The following MAGI2 variants were observed in gnomAD, a reference collection of about 807,000 sequenced individuals.
MAGI2 encodes membrane associated guanylate kinase, WW and PDZ domain containing 2, also known as membrane-associated guanylate kinase, WW and PDZ domain-containing protein 2.
A neutral mutation model predicts 133.3 loss-of-function variants in MAGI2; 35 were observed. The ratio of observed to expected loss-of-function variants is 0.26; its 90% CI spans 0.20 to 0.35. The LOEUF is 0.35. Among genes scored for constraint, MAGI2 ranks in the 10% least tolerant of loss-of-function variants. The probability of loss-of-function intolerance (pLI) is 1.00; values close to 1 mark genes in which losing one functional copy is unlikely to be tolerated. For synonymous variants in MAGI2, 729 were observed against 710.6 expected (o/e 1.03, Z -0.41); for missense variants, 1,636 against 1,863.4 (o/e 0.88, Z 2.25).
chr7:79,148,208 G>A (rs940576999), intron 1 of MAGI2, among the ~76,000 whole-genome samples: 3 of 152,186 alleles, frequency 2.0e-5, no homozygotes, highest in Non-Finnish European at 2.9e-5. Context: ...GGATTGGAGC[G>A]AGGTGGGAGG....
intron 2 of MAGI2, among the ~76,000 whole-genome samples, chr7:78,937,599 A>T (rs1020772083): frequency 1.3e-5 from 2 of 152,178 alleles, no homozygotes; most frequent in Non-Finnish European, 2.9e-5. Context: ...AGTTAACGTC[A>T]CCATCACAAA....
intron 1 of MAGI2, among the ~76,000 whole-genome samples, chr7:79,122,791 A>T (rs1251200567): frequency 6.6e-6 from 1 of 151,940 alleles, no homozygotes; most frequent in Non-Finnish European, 1.5e-5. Flanking sequence ...TCCCAGGTTC[A>T]AGTAATTCTC....
intron 3 of MAGI2, among the ~76,000 whole-genome samples, chr7:78,542,616 G>A (rs987276581): frequency 9.9e-5 from 15 of 152,262 alleles, no homozygotes; most frequent in Non-Finnish European, 1.9e-4. Context: ...AAAGCCAGAA[G>A]AGACTTTATA....
At chr7:78,934,866 C>G (rs1349190892) in intron 2 of MAGI2, among the ~76,000 whole-genome samples, 1 of 152,094 alleles carries the variant, frequency 6.6e-6, no homozygotes, top group East Asian at 1.9e-4. Flanking sequence ...ATCCACTAAA[C>G]ATAATTTTTA....
At chr7:78,355,482 G>A (rs552505604) in intron 7 of MAGI2, among the ~76,000 whole-genome samples, 3 of 152,180 alleles carry the variant, frequency 2.0e-5, no homozygotes, top group Non-Finnish European at 2.9e-5. Flanking sequence ...AATATTCACC[G>A]AGCGAATACT....
intron 1 of MAGI2, among the ~76,000 whole-genome samples, chr7:79,353,194 C>T (rs942710671): frequency 1.3e-5 from 2 of 152,068 alleles, no homozygotes; most frequent in Non-Finnish European, 2.9e-5. Context: ...CAACTGCCCC[C>T]CAGCTGCCTA....
At chr7:79,410,333 G>T (rs1024608313) in intron 1 of MAGI2, 5 of 152,000 alleles carry the variant, frequency 3.3e-5, no homozygotes, top group African/African-American at 1.2e-4. Flanking sequence ...GGCAGGTGAG[G>T]GATAATTTAG....
chr7:78,538,240 T>C (rs1460567999), intron 3 of MAGI2, among the ~76,000 whole-genome samples: 2 of 152,240 alleles, frequency 1.3e-5, no homozygotes, highest in Non-Finnish European at 2.9e-5. Context: ...CCTTGTAGTA[T>C]AGTTTGAGGT....
intron 1 of MAGI2, among the ~76,000 whole-genome samples, chr7:79,276,711 C>T (rs1835252977): frequency 6.6e-6 from 1 of 152,186 alleles, no homozygotes. Flanking sequence ...TGCCTGGAAT[C>T]CCAACACTTT....
intron 10 of MAGI2, among the ~76,000 whole-genome samples, chr7:78,235,538 T>C (rs13229692): frequency 0.15 from 23,498 of 152,022 alleles, 2,432 homozygotes; most frequent in Middle Eastern, 0.27. Flanking sequence ...GATCTGATGG[T>C]TTTATGAGGG....
Position 78,109,428 on chromosome 7 carries a change from C to T in MAGI2, c.3567+16266G>A, listed in dbSNP as rs187312140. 1.3e-3 allele frequency among the ~76,000 whole-genome samples: 195 copies of T among 145,982 alleles called. 1 individual carries two copies. Among genetic ancestry groups the T allele is most frequent in the Admixed American group, 3.1e-3 (45 of 14,404 alleles). ...TGGGTGCATCACGAGGTCAGAAGAT[C>T]GAGACCATCCTGGCTAAAATGGTGA... On this transcript the variant is annotated intron_variant, in intron 20 of 21. Transcript: ENST00000354212.
chr7:78,273,677 C>A (rs902814461), intron 9 of MAGI2, among the ~76,000 whole-genome samples: 2 of 151,954 alleles, frequency 1.3e-5, no homozygotes, highest in African/African-American at 4.8e-5. Context: ...CGCTTTTTTT[C>A]ATTGAGTTGA....
intron 9 of MAGI2, among the ~76,000 whole-genome samples, chr7:78,319,880 A>C (rs1226903418): frequency 1.3e-5 from 2 of 152,212 alleles, no homozygotes; most frequent in African/African-American, 2.4e-5. Flanking sequence ...ACCACTAACA[A>C]GACTAATAAA....
At chr7:79,175,607 C>T (rs1019635533) in intron 1 of MAGI2, among the ~76,000 whole-genome samples, 6 of 151,888 alleles carry the variant, frequency 4.0e-5, no homozygotes, top group African/African-American at 1.2e-4. Context: ...GCAATTTCAC[C>T]GTAGTATACT....
intron 20 of MAGI2, among the ~76,000 whole-genome samples, chr7:78,080,582 G>C (rs1815847013): frequency 6.6e-6 from 1 of 152,146 alleles, no homozygotes; most frequent in Non-Finnish European, 1.5e-5. Context: ...AACTGAAAAA[G>C]TAAAATAGCA....
intron 1 of MAGI2, among the ~76,000 whole-genome samples, chr7:79,432,740 TC>T (rs1847858824): frequency 6.6e-6 from 1 of 152,316 alleles, no homozygotes; most frequent in Admixed American, 6.5e-5. Flanking sequence ...TTTAGTCTAT[TC>T]CCCTGTCAGA....
chr7:78,628,208 C>T (rs1009733179), intron 2 of MAGI2, among the ~76,000 whole-genome samples: 117 of 152,192 alleles, frequency 7.7e-4, no homozygotes, highest in African/African-American at 2.7e-3. Context: ...TTGAATATGC[C>T]CTAAGCTTCT....
intron 2 of MAGI2, among the ~76,000 whole-genome samples, chr7:78,910,213 T>C (rs967736052): frequency 6.6e-6 from 1 of 151,210 alleles, no homozygotes; most frequent in Non-Finnish European, 1.5e-5. Flanking sequence ...CGTAGACCTA[T>C]GTAACAAACC....
chr7:78,599,316 G>A (rs1265979239), intron 3 of MAGI2, among the ~76,000 whole-genome samples: 2 of 152,028 alleles, frequency 1.3e-5, no homozygotes, highest in African/African-American at 2.4e-5. Context: ...AAAATTTTAA[G>A]AAGATAGATC....
Sources: allele counts gnomAD v4.1 joint callset (sites outside exome capture counted in the v4.1 genomes callset), GRCh38; gene constraint gnomAD v4.1.1; transcripts MANE v1.5; gene names NCBI Gene and HGNC (gene_info 2026-07-23, HGNC 2026-07-21).